The following DAB1 variants were observed in gnomAD, a reference collection of about 807,000 sequenced individuals.
The protein encoded by DAB1 is DAB adaptor protein 1.
DAB1 carries 15 observed loss-of-function variants against 64.6 expected under a neutral mutation model. The ratio of observed to expected loss-of-function variants is 0.23; its 90% CI spans 0.16 to 0.36. DAB1 has a LOEUF of 0.36. Ranked by LOEUF, DAB1 falls within the 10% of genes least tolerant of loss-of-function variation. The probability of loss-of-function intolerance (pLI) is 1.00; values close to 1 mark genes in which losing one functional copy is unlikely to be tolerated. For missense variants in DAB1, 596 were observed against 706.7 expected (o/e 0.84, Z 1.78); for synonymous variants, 235 against 251.9 (o/e 0.93, Z 0.64).
At chr1:57,990,392 T>C (rs964923755) in intron 5 of DAB1, among the ~76,000 whole-genome samples, 1 of 152,342 alleles carries the variant, frequency 6.6e-6, no homozygotes, top group Admixed American at 6.5e-5. Flanking sequence ...CCCAACTTGA[T>C]TTAATTTATC....
At chr1:57,359,685 C>T (rs1259754100) in intron 1 of DAB1, among the ~76,000 whole-genome samples, 1 of 151,914 alleles carries the variant, frequency 6.6e-6, no homozygotes, top group African/African-American at 2.4e-5. Flanking sequence ...ACGGAGACAA[C>T]CTAAGTGTCC....
chr1:58,425,617 G>C (rs1352278001), intron 3 of DAB1, among the ~76,000 whole-genome samples: 1 of 152,080 alleles, frequency 6.6e-6, no homozygotes, highest in Non-Finnish European at 1.5e-5. Flanking sequence ...GAAAAGAGAA[G>C]GAGCCAGGGA....
intron 6 of DAB1, among the ~76,000 whole-genome samples, chr1:57,725,389 G>A (rs986080490): frequency 2.6e-5 from 4 of 152,212 alleles, no homozygotes; most frequent in African/African-American, 7.2e-5. Flanking sequence ...AGTCGTGATG[G>A]TGTATACTCT....
intron 7 of DAB1, among the ~76,000 whole-genome samples, chr1:57,473,525 C>T (rs967986928): frequency 6.6e-6 from 1 of 152,202 alleles, no homozygotes; most frequent in Non-Finnish European, 1.5e-5. Flanking sequence ...AAAAGAATCC[C>T]TTCTAGGCTC....
At chr1:58,453,627 C>T (rs1645162371) in intron 3 of DAB1, among the ~76,000 whole-genome samples, 1 of 152,150 alleles carries the variant, frequency 6.6e-6, no homozygotes, top group African/African-American at 2.4e-5. Flanking sequence ...AGTCAACCTC[C>T]TTGATGCGCT....
rs1328306377 is a variant in DAB1 at position 57,258,190 on chromosome 1, A to T, written c.67+32774T>A. Among the ~76,000 whole-genome samples the T allele has an allele frequency of 3.9e-5, 6 of 152,042 alleles. No individual in the cohort carries two copies. The East Asian group carries it at 9.6e-4, about 24-fold the overall frequency. On this transcript the variant is annotated intron_variant, in intron 2 of 14. Transcript: ENST00000371236. ...CTTGTTTGTATTTCTCACATCCATG[A>T]TCTCATAAATTCTTCAAAGCAGTAG... is the stretch of plus-strand genomic sequence containing the variant.
At chr1:57,853,472 G>A (rs1314752080) in intron 1 of DAB1, among the ~76,000 whole-genome samples, 2 of 152,172 alleles carry the variant, frequency 1.3e-5, no homozygotes, top group Non-Finnish European at 2.9e-5. Context: ...TTGATCTTCA[G>A]TGATTGACAC....
chr1:57,526,502 C>T (rs778118827), intron 7 of DAB1, among the ~76,000 whole-genome samples: 24 of 152,184 alleles, frequency 1.6e-4, no homozygotes, highest in Non-Finnish European at 3.1e-4. Flanking sequence ...TAATTTATTT[C>T]GATGTAATTT....
At chr1:57,306,376 A>C (rs1004160365) in intron 1 of DAB1, among the ~76,000 whole-genome samples, 1 of 152,218 alleles carries the variant, frequency 6.6e-6, no homozygotes, top group African/African-American at 2.4e-5. Context: ...ATAAGATGCA[A>C]GAAAGCTCCA....
intron 5 of DAB1, among the ~76,000 whole-genome samples, chr1:58,088,063 A>G (rs199766714): frequency 5.3e-5 from 8 of 152,328 alleles, no homozygotes; most frequent in African/African-American, 1.9e-4. Context: ...TTCTTTCCAT[A>G]AATGTCAGCC....
intron 7 of DAB1, among the ~76,000 whole-genome samples, chr1:57,648,950 T>C (rs973378684): frequency 1.3e-5 from 2 of 152,126 alleles, no homozygotes; most frequent in African/African-American, 2.4e-5. Flanking sequence ...AAACAAGAAA[T>C]AGATATTGGA....
rs555133326 is a variant in DAB1 at position 57,324,079 on chromosome 1, A to C, written c.-136-32913T>G. ...AAAACTCAGCCTAATTCAATCAGACATTATAGTCAGACCTGGTTAATGTGA... is the reference window on the plus strand; with the variant it reads ...AAAACTCAGCCTAATTCAATCAGACCTTATAGTCAGACCTGGTTAATGTGA... On this transcript the variant is annotated intron_variant, in intron 1 of 14. Coordinates refer to ENST00000371236, the MANE Select transcript of DAB1 (RefSeq NM_001365792.1). Among the ~76,000 whole-genome samples the C allele has an allele frequency of 3.1e-3, 471 of 152,356 alleles. 5 individuals are homozygous for C. Among genetic ancestry groups the C allele is most frequent in the Non-Finnish European group, 2.4e-3 (164 of 68,034 alleles).
At position 57,488,994 on chromosome 1, in the gene DAB1, C is replaced by G. The variant is rs572088988; in HGVS notation, n.625+160598G>C. The stretch of plus-strand genomic sequence containing the variant: ...ACTTACAATTAGCAGAAAGTAAAAA[C>G]AAGGGCACATCGATGGAAGACCCAC... On this transcript the variant is annotated intron_variant and non_coding_transcript_variant, in intron 7 of 20. Coordinates refer to the DAB1 transcript ENST00000485760. Among the ~76,000 whole-genome samples the G allele has an allele frequency of 8.5e-5, 13 of 152,258 alleles. No homozygotes were observed. The South Asian group carries it at 2.5e-3, about 29-fold the overall frequency.
At chr1:57,297,555 G>A (rs1391362199) in intron 1 of DAB1, among the ~76,000 whole-genome samples, 1 of 151,984 alleles carries the variant, frequency 6.6e-6, no homozygotes, top group Admixed American at 6.6e-5. Context: ...CATACATAGA[G>A]AGAAAACACA....
intron 4 of DAB1, among the ~76,000 whole-genome samples, chr1:58,186,946 G>C (rs377453944): frequency 3.9e-5 from 6 of 152,264 alleles, no homozygotes; most frequent in African/African-American, 7.2e-5. Context: ...TTGTTGGCTA[G>C]AGCATGTCAT....
rs149310477 is a variant in DAB1, at chr1:57,730,533, AG to A, written n.552-80869del. On this transcript the variant is annotated intron_variant and non_coding_transcript_variant, in intron 6 of 20. Transcript: ENST00000485760. Reference sequence around the variant, plus strand: ...TGTCTCCAAACTTAAGGGGGCCTGAAGGGGGAGTTTTGGAAGGATACGTAGT... The same window carrying A: ...TGTCTCCAAACTTAAGGGGGCCTGAAGGGGAGTTTTGGAAGGATACGTAGT... Among the ~76,000 whole-genome samples the A allele has an allele frequency of 6.4e-3, 979 of 152,322 alleles. 10 individuals carry two copies. The highest frequency in any genetic ancestry group is 0.022 in the African/African-American group (912 of 41,564).
At chr1:58,213,645 G>A (rs1457068173) in intron 4 of DAB1, among the ~76,000 whole-genome samples, 1 of 152,056 alleles carries the variant, frequency 6.6e-6, no homozygotes, top group East Asian at 1.9e-4. Context: ...GGGGATTATG[G>A]GAACTACAAT....
intron 7 of DAB1, among the ~76,000 whole-genome samples, chr1:57,469,756 C>T (rs567331355): frequency 6.6e-6 from 1 of 152,100 alleles, no homozygotes; most frequent in Admixed American, 6.5e-5. Flanking sequence ...AAGGCCAGAA[C>T]TTTTCAAAGT....
rs75228070 is a variant in DAB1 at position 57,354,721 on chromosome 1, C to A, written c.-136-63555G>T. On this transcript the variant is annotated intron_variant, in intron 1 of 14. Coordinates refer to ENST00000371236, the MANE Select transcript of DAB1 (RefSeq NM_001365792.1). ...CTCTAGTTCTGTAGATGAAGGGAAC[C>A]CTGAGCAATCCATCATGCTTTGTCT... Among the ~76,000 whole-genome samples the A allele has an allele frequency of 8.0e-3, 1,218 of 152,130 alleles. 18 individuals are homozygous for A. The highest frequency in any genetic ancestry group is 0.027 in the African/African-American group (1,134 of 41,492).
Sources: gnomAD v4.1 joint callset for allele counts (sites outside exome capture counted in the v4.1 genomes callset) on GRCh38, gnomAD v4.1.1 for gene constraint, MANE v1.5 for transcripts, NCBI Gene and HGNC (gene_info 2026-07-23, HGNC 2026-07-21) for gene names.